DLGAP1: variants seen among roughly 807,000 people sequenced by gnomAD.
DLGAP1 encodes disks large-associated protein 1.
Under a neutral mutation model 90.8 loss-of-function variants are expected in DLGAP1, and 11 were observed. That is an observed-to-expected ratio of 0.12 (90% CI 0.08 to 0.20). The LOEUF is 0.20. DLGAP1 is among the 10% of genes least tolerant of loss of function. The pLI is 1.00. For synonymous variants in DLGAP1, 558 were observed against 540.7 expected, an observed-to-expected ratio of 1.03 and a Z score of -0.44; for missense variants, 1,050 against 1,333.8, an observed-to-expected ratio of 0.79 and a Z score of 3.31.
intron 3 of DLGAP1, among the ~76,000 whole-genome samples, chr18:3,950,328 C>T (rs1340641274): frequency 6.6e-6 from 1 of 152,208 alleles, no homozygotes; most frequent in African/African-American, 2.4e-5. Context: ...TGGTTAACAC[C>T]TCTCATCCTT....
chr18:3,800,884 T>G (rs901898156), intron 5 of DLGAP1, among the ~76,000 whole-genome samples: 1 of 152,160 alleles, frequency 6.6e-6, no homozygotes, highest in African/African-American at 2.4e-5. Context: ...AGGCTGTTTT[T>G]GGGTCACTAG....
intron 1 of DLGAP1, among the ~76,000 whole-genome samples, chr18:4,218,455 CT>C (rs1302890446): frequency 4.0e-5 from 6 of 151,826 alleles, no homozygotes; most frequent in Non-Finnish European, 7.4e-5. Context: ...TATAACTTAT[CT>C]TTTTTTGTGA....
chr18:4,011,577 G>C (rs2074423228), intron 2 of DLGAP1, among the ~76,000 whole-genome samples: 1 of 152,138 alleles, frequency 6.6e-6, no homozygotes, highest in African/African-American at 2.4e-5. Context: ...AGCACTTTGG[G>C]AGGCTGAGGC....
intron 7 of DLGAP1, among the ~76,000 whole-genome samples, chr18:3,588,759 G>A (rs2056055017): frequency 1.5e-5 from 2 of 137,404 alleles, no homozygotes; most frequent in African/African-American, 2.7e-5. Flanking sequence ...CAGCCTGAGC[G>A]ACAGAGCGAG....
intron 1 of DLGAP1, among the ~76,000 whole-genome samples, chr18:4,159,922 T>C: frequency 6.6e-6 from 1 of 152,204 alleles, no homozygotes; most frequent in South Asian, 2.1e-4. Flanking sequence ...TTCAGGAATT[T>C]GGCTAAAGGA....
intron 5 of DLGAP1, among the ~76,000 whole-genome samples, chr18:3,768,559 C>T (rs1036144249): frequency 6.6e-6 from 1 of 152,112 alleles, no homozygotes; most frequent in Non-Finnish European, 1.5e-5. Flanking sequence ...TCTATGGCTA[C>T]AGTAATCTAG....
chr18:3,847,908 T>G (rs564475927), intron 4 of DLGAP1, among the ~76,000 whole-genome samples: 2 of 151,514 alleles, frequency 1.3e-5, no homozygotes, highest in Non-Finnish European at 2.9e-5. Context: ...TCCCAACATT[T>G]TGGGAAGCTG....
At chr18:3,559,624 CTTT>C (rs34093132) in intron 9 of DLGAP1, among the ~76,000 whole-genome samples, 3 of 129,896 alleles carry the variant, frequency 2.3e-5, no homozygotes, top group Non-Finnish European at 1.6e-5. Context: ...ATCCAATCCA[CTTT>C]TTTTTTTTTT....
intron 7 of DLGAP1, among the ~76,000 whole-genome samples, chr18:3,663,776 T>C (rs2059771615): frequency 6.6e-6 from 1 of 152,138 alleles, no homozygotes; most frequent in Non-Finnish European, 1.5e-5. Context: ...AGCCCAACTG[T>C]GATGGTTAGT....
At chr18:3,510,212 C>T (rs2050463064) in intron 10 of DLGAP1, among the ~76,000 whole-genome samples, 1 of 152,258 alleles carries the variant, frequency 6.6e-6, no homozygotes, top group South Asian at 2.1e-4. Flanking sequence ...ACTGCCTGGA[C>T]AAGTCACTAT....
chr18:4,445,413 C>G (rs1487871220), intron 1 of DLGAP1, among the ~76,000 whole-genome samples: 1 of 151,154 alleles, frequency 6.6e-6, no homozygotes, highest in East Asian at 2.0e-4. Flanking sequence ...CGTCATCTAG[C>G]ATTAGGTATA....
intron 1 of DLGAP1, among the ~76,000 whole-genome samples, chr18:4,319,340 A>G (rs1441167128): frequency 1.3e-5 from 2 of 152,044 alleles, no homozygotes; most frequent in Non-Finnish European, 2.9e-5. Context: ...GTCCTAAATT[A>G]TTTTCTTCTG....
chr18:3,546,009 A>AC (rs1466206297), intron 9 of DLGAP1, among the ~76,000 whole-genome samples: 9 of 152,270 alleles, frequency 5.9e-5, no homozygotes, highest in Non-Finnish European at 8.8e-5. Context: ...ATTCACAATT[A>AC]GAGTCAGATA....
chr18:3,973,822 C>T (rs2073508553), intron 3 of DLGAP1, among the ~76,000 whole-genome samples: 2 of 152,188 alleles, frequency 1.3e-5, no homozygotes, highest in South Asian at 4.1e-4. Context: ...TAGAGTCATG[C>T]ACAGTTGAAC....
Position 3,879,097 on chromosome 18 carries a change from T to A in DLGAP1, c.957+15A>T. The A allele has an allele frequency of 6.7e-7, 1 of 1,484,742 alleles. No homozygotes were observed. The highest frequency in any genetic ancestry group is 9.0e-7 in the Non-Finnish European group (1 of 1,117,276). The allele number at this position is 1,484,742 out of a possible 1,614,324, so 92.0% of individuals were successfully genotyped here. ...GGTACTACTTCTAAGCCTCCATCAT[T>A]GACAGAAATGGTACCTGCAGGTACT... On this transcript the variant is annotated intron_variant, in intron 4 of 12. Coordinates refer to ENST00000315677, the MANE Select transcript of DLGAP1 (RefSeq NM_004746.4). The surrounding 1 kb of genome is among the most constrained non-coding windows in gnomAD (Gnocchi z 6.6).
At chr18:3,561,212 T>A (rs1053701652) in intron 9 of DLGAP1, among the ~76,000 whole-genome samples, 2 of 148,042 alleles carry the variant, frequency 1.4e-5, no homozygotes, top group Non-Finnish European at 3.0e-5. Flanking sequence ...GATTAGGAGT[T>A]TGAGACCAGC....
intron 3 of DLGAP1, among the ~76,000 whole-genome samples, chr18:3,940,983 G>A (rs1170833621): frequency 6.6e-6 from 1 of 152,174 alleles, no homozygotes; most frequent in Non-Finnish European, 1.5e-5. Context: ...GAAAGATCCT[G>A]TTGGTCTATT....
intron 5 of DLGAP1, among the ~76,000 whole-genome samples, chr18:3,808,129 T>A (rs1290463505): frequency 6.6e-6 from 1 of 152,216 alleles, no homozygotes; most frequent in Non-Finnish European, 1.5e-5. Flanking sequence ...TTTTCTTTTT[T>A]AAATAAAGCT....
intron 2 of DLGAP1, among the ~76,000 whole-genome samples, chr18:4,032,820 C>T (rs2074818458): frequency 1.3e-5 from 2 of 152,172 alleles, no homozygotes; most frequent in Admixed American, 1.3e-4. Context: ...CAATAGAGTG[C>T]AAACCTCTCT....
Sources: allele counts gnomAD v4.1 joint callset (sites outside exome capture counted in the v4.1 genomes callset), GRCh38; gene constraint gnomAD v4.1.1; non-coding constraint Gnocchi (gnomAD v3.1); transcripts MANE v1.5; gene names NCBI Gene and HGNC (gene_info 2026-07-23, HGNC 2026-07-21).